PGA5: variants seen among roughly 807,000 people sequenced by gnomAD.
PGA5 encodes pepsinogen A5.
Under a neutral mutation model 15.9 loss-of-function variants are expected in PGA5, and 19 were observed. The ratio of observed to expected loss-of-function variants is 1.19; its 90% confidence interval spans 0.83 to 1.75. The LOEUF is 1.75. PGA5 is among the 40% of genes most tolerant of loss of function. The pLI, the probability that PGA5 is intolerant of heterozygous loss-of-function variation, is 0.00. For missense variants in PGA5, 224 were observed against 246.4 expected, an observed-to-expected ratio of 0.91 and a Z score of 0.61; for synonymous variants, 92 against 95.8, an observed-to-expected ratio of 0.96 and a Z score of 0.23.
intron 6 of PGA5, 198 bp from the exon 7 acceptor site, chr11:61,249,471 G>C (rs1402834733): frequency 2.8e-6 from 3 of 1,082,898 alleles, no homozygotes; most frequent in South Asian, 1.6e-5. Flanking sequence ...CCCATGCCTG[G>C]CAGAGGGTAG....
intron 6 of PGA5, among the ~76,000 whole-genome samples, chr11:61,248,862 G>T (rs1316089524): frequency 1.3e-5 from 2 of 152,112 alleles, no homozygotes; most frequent in Non-Finnish European, 2.9e-5. Flanking sequence ...CAATTTAAGG[G>T]GGCTGTGAAC....
intron 6 of PGA5, 105 bp downstream of exon 6, chr11:61,248,640 G>A: frequency 6.4e-7 from 1 of 1,566,944 alleles, no homozygotes; most frequent in Non-Finnish European, 8.7e-7. Flanking sequence ...GGAACAGCTG[G>A]CACAGGGGAA....
At chr11:61,246,825 A>G (rs1247303218) in intron 5 of PGA5, among the ~76,000 whole-genome samples, 1 of 151,930 alleles carries the variant, frequency 6.6e-6, no homozygotes, top group Non-Finnish European at 1.5e-5. Context: ...ACTTAGACCA[A>G]AATTCCATAG....
chr11:61,248,903 T>C (rs1854102748), intron 6 of PGA5, among the ~76,000 whole-genome samples: 1 of 152,102 alleles, frequency 6.6e-6, no homozygotes, highest in Non-Finnish European at 1.5e-5. Context: ...CGAGGAAACA[T>C]GTCACTTTCC....
At chr11:61,248,875 G>GCA (rs1025898434) in intron 6 of PGA5, among the ~76,000 whole-genome samples, 1 of 152,134 alleles carries the variant, frequency 6.6e-6, no homozygotes, top group African/African-American at 2.4e-5. Context: ...CTGTGAACAA[G>GCA]CACACGCTCC....
chr11:61,250,689 G>A lies in PGA5; in HGVS notation c.1018-443G>A, dbSNP rs571822599. ...GCCTGAGCAATGGGATGGGGCTGCGGGGGTTCAAAGCTCCCCAGGTGATGT... is the reference window on the plus strand; with the variant it reads ...GCCTGAGCAATGGGATGGGGCTGCGAGGGTTCAAAGCTCCCCAGGTGATGT... On this transcript the variant is annotated intron_variant, in intron 8 of 8. Transcript: ENST00000312403. The A allele has an allele frequency of 2.6e-4, 122 of 464,168 alleles. 1 individual carries two copies. Among genetic ancestry groups the A allele is most frequent in the African/African-American group, 2.1e-3 (106 of 50,378 alleles). The allele number at this position is 464,168 out of a possible 1,614,324, so 28.8% of individuals were successfully genotyped here. A position where few individuals can be genotyped will look rare whatever the true frequency, so the allele number is the denominator to read the frequency against.
At chr11:61,250,628 C>A in intron 8 of PGA5, 1 of 459,932 alleles carries the variant, frequency 2.2e-6, no homozygotes, top group South Asian at 1.5e-5. Flanking sequence ...TGCCTGGGCT[C>A]CCCCACTGAT....
At position 61,251,420 on chromosome 11, in the gene PGA5, A is replaced by C; in HGVS notation, c.*139A>C. ...CTGTTCCCTGTCCTACCAATAACGT[A>C]GAATAAAAACATAACCCACTGAAAC... On this transcript the variant is annotated 3_prime_UTR_variant, in exon 9 of 9. Transcript: ENST00000312403. 3.5e-6 allele frequency: 5 copies of C among 1,439,878 alleles called. No individual in the cohort carries two copies. Among genetic ancestry groups the C allele is most frequent in the Non-Finnish European group, 4.7e-6 (5 of 1,074,246 alleles). The allele number at this position is 1,439,878 out of a possible 1,614,324, so 89.2% of individuals were successfully genotyped here.
rs145176993 is a variant in PGA5 at position 61,247,569 on chromosome 11, G to A, written c.657-850G>A. On this transcript the variant is annotated intron_variant, in intron 5 of 8. Transcript: ENST00000312403. ...TGGGATTACAGGCATGAGCCACCAC[G>A]CCCAGCCCCGGATAATTAATTTCTT... is the stretch of plus-strand genomic sequence containing the variant. Among the ~76,000 whole-genome samples the A allele has an allele frequency of 4.1e-4, 63 of 152,072 alleles. No individual in the cohort carries two copies. The East Asian group carries it at 0.012, about 28-fold the overall frequency.
intron 6 of PGA5, 142 bp downstream of exon 6, chr11:61,248,677 G>C: frequency 6.4e-7 from 1 of 1,553,418 alleles, no homozygotes; most frequent in Non-Finnish European, 8.8e-7. Context: ...GGTGGAAGTT[G>C]GCCAAGCCAA....
intron 6 of PGA5, 113 bp from the exon 7 acceptor site, chr11:61,249,556 C>T (rs74498502): frequency 6.4e-5 from 100 of 1,573,470 alleles, no homozygotes; most frequent in South Asian, 3.3e-4. Flanking sequence ...AGAAATTTCA[C>T]GCATTGGCCA....
chr11:61,251,332 C>G lies in PGA5; in HGVS notation c.*51C>G, dbSNP rs1298511465. ...AGGAAGATCTGGCCTCCGTCCTATG[C>G]CCACTTTAGATGTATCTAATTCTCC... On this transcript the variant is annotated 3_prime_UTR_variant, in exon 9 of 9. Coordinates refer to ENST00000312403, the MANE Select transcript of PGA5 (RefSeq NM_014224.5). 2.5e-6 allele frequency: 4 copies of G among 1,611,572 alleles called. No individual in the cohort carries two copies. Among genetic ancestry groups the G allele is most frequent in the Non-Finnish European group, 3.4e-6 (4 of 1,179,766 alleles).
chr11:61,249,592 G>A (rs1348301020), intron 6 of PGA5, 77 bp from the exon 7 acceptor site: 36 of 1,611,618 alleles, frequency 2.2e-5, no homozygotes, highest in Non-Finnish European at 3.0e-5. Flanking sequence ...AGGAATGTCT[G>A]GGCTCACCTC....
chr11:61,249,612 C>T (rs973438245), intron 6 of PGA5, 57 bp from the exon 7 acceptor site: 3 of 1,613,518 alleles, frequency 1.9e-6, no homozygotes, highest in Admixed American at 1.7e-5. Flanking sequence ...CCTGGTTCCT[C>T]CTTGGAGAGA....
In PGA5 at chr11:61,249,865, G is replaced by T. The variant is rs761406422; in HGVS notation, c.919-51G>T. On this transcript the variant is annotated intron_variant, in intron 7 of 8. Transcript: ENST00000312403. Reference sequence around the variant, plus strand: ...CTACACTCAAGTAGTGGGTGTGCCAGGCAGAAGCGACGAAAACCCTTCTAA... The same window carrying T: ...CTACACTCAAGTAGTGGGTGTGCCATGCAGAAGCGACGAAAACCCTTCTAA... 5 of 1,613,672 alleles carry T rather than the reference G, an allele frequency of 3.1e-6. No individual in the cohort carries two copies. In the South Asian group the frequency reaches 4.4e-5, roughly 14 times the overall value.
intron 5 of PGA5, among the ~76,000 whole-genome samples, chr11:61,246,653 C>G (rs1233805276): frequency 6.6e-6 from 1 of 151,914 alleles, no homozygotes; most frequent in Non-Finnish European, 1.5e-5. Context: ...CTCCCAGCTA[C>G]TCAGGAGGCT....
In PGA5 at chr11:61,249,810, C is replaced by G. The variant is rs140182722; in HGVS notation, c.915C>G (p.Gly305=). 11 of 1,613,632 alleles carry G rather than the reference C, an allele frequency of 6.8e-6. No individual in the cohort carries two copies. Among genetic ancestry groups the G allele is most frequent in the Non-Finnish European group, 9.3e-6 (11 of 1,179,852 alleles). Residue 305 remains glycine (G), a synonymous_variant, in exon 7 of 9, where the codon GGC becomes GGG. Transcript: ENST00000312403. ...TCGGAGCCAGCGAGAACTCAGATGG[C>G]GACGTGAGTCCAGCCCCGACTGCCC... ...SDIGASENSD[G]DMVVSCSAIS...
chr11:61,247,051 C>G, intron 5 of PGA5, among the ~76,000 whole-genome samples: 1 of 151,974 alleles, frequency 6.6e-6, no homozygotes, highest in African/African-American at 2.4e-5. Flanking sequence ...TGCAAGAATA[C>G]CTGAGGGCAT....
intron 8 of PGA5, 46 bp from the exon 9 acceptor site, chr11:61,251,086 G>C: frequency 6.2e-7 from 1 of 1,611,750 alleles, no homozygotes; most frequent in Non-Finnish European, 8.5e-7. Flanking sequence ...CGCCTATCAC[G>C]GCTGAATCGG....
Sources: allele counts gnomAD v4.1 joint callset (sites outside exome capture counted in the v4.1 genomes callset), GRCh38; gene constraint gnomAD v4.1.1; transcripts MANE v1.5; gene names NCBI Gene and HGNC (gene_info 2026-07-23, HGNC 2026-07-21).